The following PLAT variants were observed in gnomAD, a reference collection of about 807,000 sequenced individuals.
The protein encoded by PLAT is plasminogen activator, tissue type.
In PLAT, 48 loss-of-function variants were observed where a neutral mutation model predicts 74.9. That is an observed-to-expected ratio of 0.64 (90% CI 0.51 to 0.82). The LOEUF (loss-of-function observed/expected upper bound fraction) is 0.82. PLAT is among the 40% of genes least tolerant of loss of function. The pLI is 0.00. For missense variants in PLAT, 673 were observed against 736.2 expected (o/e 0.91, Z 0.99); for synonymous variants, 307 against 294.4 (o/e 1.04, Z -0.44).
At chr8:42,207,188 T>C (rs1806374491) in intron 1 of PLAT, among the ~76,000 whole-genome samples, 1 of 152,158 alleles carries the variant, frequency 6.6e-6, no homozygotes, top group South Asian at 2.1e-4. Flanking sequence ...TATTTGGGGC[T>C]TTTCTGTATC....
intron 1 of PLAT, among the ~76,000 whole-genome samples, chr8:42,196,494 T>G (rs1805909593): frequency 6.6e-6 from 1 of 152,130 alleles, no homozygotes; most frequent in Admixed American, 6.5e-5. Flanking sequence ...AGAAAAACAG[T>G]GCAGTCTGAA....
In PLAT at chr8:42,182,425, C is replaced by T. The variant is rs1805286565; in HGVS notation, c.803+294G>A. On this transcript the variant is annotated intron_variant, in intron 8 of 13. Coordinates refer to ENST00000220809, the MANE Select transcript of PLAT (RefSeq NM_000930.5). ...GTTGTCAGACAGAACTGTGAGCTGT[C>T]CTGTTACGGAACTCTTACAAATCAT... 1.8e-5 allele frequency: 4 copies of T among 216,964 alleles called. No homozygotes were observed. The Admixed American group carries it at 2.1e-4, about 12-fold the overall frequency. 13.4% of individuals were successfully genotyped at this position (216,964 alleles called of 1,614,324 possible).
In PLAT at chr8:42,187,284, T is replaced by G. The variant is rs1805516790; in HGVS notation, c.539+114A>C. ...TATCTGTCTATCATCTATCCATCTA[T>G]CCATCCTGTATTGGTTATGTTTCTT... On this transcript the variant is annotated intron_variant, in intron 6 of 13. Transcript: ENST00000220809. 3 of 783,426 alleles carry G rather than the reference T, an allele frequency of 3.8e-6. No individual in the cohort carries two copies. The Admixed American group carries it at 8.7e-5, about 23-fold the overall frequency. The allele number at this position is 783,426 out of a possible 1,614,324, so 48.5% of individuals were successfully genotyped here.
At chr8:42,194,241 A>AGTGTGTGTGTGTGT (rs36208802) in intron 1 of PLAT, among the ~76,000 whole-genome samples, 1 of 52,540 alleles carries the variant, frequency 1.9e-5, no homozygotes, top group Non-Finnish European at 3.8e-5. Context: ...AGAGAGAGAG[A>AGTGTGTGTGTGTGT]GTGTGTGTGT....
At chr8:42,187,178 CATGT>C in intron 6 of PLAT, 1 of 457,578 alleles carries the variant, frequency 2.2e-6, no homozygotes, top group Non-Finnish European at 3.9e-6. Context: ...ATCTATCTAT[CATGT>C]ATGTATCATC....
At chr8:42,179,367 A>G (rs964411054) in intron 12 of PLAT, among the ~76,000 whole-genome samples, 2 of 152,134 alleles carry the variant, frequency 1.3e-5, no homozygotes, top group African/African-American at 4.8e-5. Flanking sequence ...CACTCACTGA[A>G]GGCCGGCGTT....
chr8:42,201,941 A>T (rs1806147222), intron 1 of PLAT, among the ~76,000 whole-genome samples: 1 of 152,252 alleles, frequency 6.6e-6, no homozygotes, highest in Non-Finnish European at 1.5e-5. Context: ...ACAAGATAAA[A>T]TACAACGGGT....
intron 3 of PLAT, among the ~76,000 whole-genome samples, chr8:42,189,350 T>C (rs2129755448): frequency 6.6e-6 from 1 of 151,766 alleles, no homozygotes; most frequent in East Asian, 2.0e-4. Flanking sequence ...AAACCCTATC[T>C]CTACTAAAAA....
intron 1 of PLAT, among the ~76,000 whole-genome samples, chr8:42,194,710 G>T (rs1222866747): frequency 2.0e-5 from 3 of 152,148 alleles, no homozygotes; most frequent in Non-Finnish European, 2.9e-5. Flanking sequence ...GACTGCTCAG[G>T]TTCCTCCACG....
intron 8 of PLAT, 140 bp from the exon 9 acceptor site, chr8:42,182,162 G>T (rs8178889): frequency 1.7e-6 from 1 of 588,832 alleles, no homozygotes; most frequent in Admixed American, 2.5e-5. Flanking sequence ...CTCCCAAAGT[G>T]CTGGGATTAC....
rs1200195645 is a variant in PLAT at position 42,176,057 on chromosome 8, A to T, written c.1625T>A (p.Val542Asp). 6.2e-7 allele frequency: 1 copy of T among 1,614,112 alleles called. No homozygotes were observed. The highest frequency in any genetic ancestry group is 1.3e-5 in the African/African-American group (1 of 75,040). Reference protein sequence around the residue: ...SWGLGCGQKDVPGVYTKVTNY... With the variant: ...SWGLGCGQKDDPGVYTKVTNY... ...GGTAACCTTGGTGTACACACCCGGGACATCCTTCTGTCCACAGCCCAGGCC... is the reference window on the plus strand; with the variant it reads ...GGTAACCTTGGTGTACACACCCGGGTCATCCTTCTGTCCACAGCCCAGGCC... The change falls in exon 14 of 14, where the codon GTC becomes GAC. Residue 542 changes from valine (V) to aspartate (D), a missense_variant. By Grantham distance (152) the Val-to-Asp change is radical (BLOSUM62 -3). Transcript: ENST00000220809.
intron 1 of PLAT, among the ~76,000 whole-genome samples, chr8:42,201,209 CT>C (rs1806116768): frequency 6.6e-6 from 1 of 152,246 alleles, no homozygotes; most frequent in Non-Finnish European, 1.5e-5. Flanking sequence ...GATTCTCAAC[CT>C]GGAAATCTAA....
chr8:42,187,538 G>A lies in PLAT; in HGVS notation c.399C>T (p.Ile133=). 2 of 1,609,200 alleles carry A rather than the reference G, an allele frequency of 1.2e-6. No individual in the cohort carries two copies. The highest frequency in any genetic ancestry group is 1.7e-6 in the Non-Finnish European group (2 of 1,177,522). ...CTGTGCTCCACGTGCCCCTGTAGCT[G>A]ATGCCCTGGTCCTCGTAGCACGTGG... is the stretch of plus-strand genomic sequence containing the variant. ...TRATCYEDQG[I]SYRGTWSTAE... Residue 133 remains isoleucine (I), a synonymous_variant, in exon 6 of 14, where the codon ATC becomes ATT. Transcript: ENST00000220809.
chr8:42,176,177 G>A (rs368031943), intron 13 of PLAT, 26 bp from the exon 14 acceptor site: 98 of 1,590,984 alleles, frequency 6.2e-5, no homozygotes, highest in South Asian at 3.8e-4. Context: ...CAGGTTTGGC[G>A]TTTGCAAAAA....
intron 13 of PLAT, among the ~76,000 whole-genome samples, chr8:42,177,429 G>T (rs1209018394): frequency 6.6e-6 from 1 of 152,184 alleles, no homozygotes; most frequent in Admixed American, 6.5e-5. Context: ...GGATTAGGCT[G>T]TATCTATTCT....
At chr8:42,198,449 G>T (rs1020247720) in intron 1 of PLAT, among the ~76,000 whole-genome samples, 3 of 152,188 alleles carry the variant, frequency 2.0e-5, no homozygotes, top group Admixed American at 6.5e-5. Context: ...CCAAGATTGC[G>T]CTACTGCAGC....
At chr8:42,178,264 C>CTTTTTTTTTTTTTTTTTTTTTT (rs5891180) in intron 13 of PLAT, among the ~76,000 whole-genome samples, 1 of 110,072 alleles carries the variant, frequency 9.1e-6, no homozygotes, top group African/African-American at 3.7e-5. Flanking sequence ...ACATTTCTTT[C>CTTTTTTTTTTTTTTTTTTTTTT]TTTTTTTTTT....
chr8:42,199,578 C>T (rs1011918536), intron 1 of PLAT, among the ~76,000 whole-genome samples: 1 of 152,046 alleles, frequency 6.6e-6, no homozygotes, highest in Admixed American at 6.6e-5. Flanking sequence ...AAAGCTACAG[C>T]AGGCATGTCC....
chr8:42,194,053 T>C (rs956543774), intron 1 of PLAT, among the ~76,000 whole-genome samples: 3 of 124,204 alleles, frequency 2.4e-5, no homozygotes, highest in Non-Finnish European at 3.4e-5. Context: ...CTTCTTTCTT[T>C]TTTTTTTTTT....
Sources: allele counts gnomAD v4.1 joint callset (sites outside exome capture counted in the v4.1 genomes callset), GRCh38; gene constraint gnomAD v4.1.1; transcripts MANE v1.5; gene names NCBI Gene and HGNC (gene_info 2026-07-23, HGNC 2026-07-21).